The following TPST1 variants were observed in gnomAD, a reference collection of about 807,000 sequenced individuals.
TPST1 encodes the protein tyrosylprotein sulfotransferase 1, also known as protein-tyrosine sulfotransferase 1.
TPST1 carries 20 observed loss-of-function variants against 34.8 expected under a neutral mutation model. The ratio of observed to expected loss-of-function variants is 0.57; its 90% confidence interval spans 0.40 to 0.84. The LOEUF is 0.84. Ranked by LOEUF, TPST1 falls within the 40% of genes least tolerant of loss-of-function variation. The probability of loss-of-function intolerance (pLI) is 0.00; values close to 1 mark genes in which losing one functional copy is unlikely to be tolerated. For synonymous variants in TPST1, 152 were observed against 159.4 expected (o/e 0.95, Z 0.35); for missense variants, 353 against 455.5 (o/e 0.78, Z 2.05).
At chr7:66,299,919 G>A (rs1419224585) in intron 3 of TPST1, among the ~76,000 whole-genome samples, 1 of 152,156 alleles carries the variant, frequency 6.6e-6, no homozygotes, top group East Asian at 1.9e-4. Flanking sequence ...CCAAAATAAA[G>A]TGAATATCCC....
chr7:66,235,184 A>ATTTTT (rs767189278), intron 1 of TPST1, among the ~76,000 whole-genome samples: 1 of 129,828 alleles, frequency 7.7e-6, no homozygotes, highest in Non-Finnish European at 1.6e-5. Context: ...TTCTGCATAG[A>ATTTTT]TTTTTTTTTT....
intron 2 of TPST1, among the ~76,000 whole-genome samples, chr7:66,252,508 A>T (rs928191592): frequency 6.6e-6 from 1 of 150,376 alleles, no homozygotes; most frequent in Non-Finnish European, 1.5e-5. Context: ...TGCCCGGCTA[A>T]TTTTTTGTAT....
At chr7:66,313,447 A>G (rs1791572479) in intron 3 of TPST1, among the ~76,000 whole-genome samples, 1 of 152,046 alleles carries the variant, frequency 6.6e-6, no homozygotes, top group Admixed American at 6.6e-5. Flanking sequence ...AAAATAAACA[A>G]ATTATGCTGG....
chr7:66,272,342 C>T (rs551375197), intron 2 of TPST1, among the ~76,000 whole-genome samples: 5 of 152,148 alleles, frequency 3.3e-5, no homozygotes, highest in South Asian at 2.1e-4. Context: ...ATGCGATATA[C>T]CACATTTACA....
At chr7:66,250,140 T>G (rs1330109399) in intron 2 of TPST1, among the ~76,000 whole-genome samples, 1 of 152,166 alleles carries the variant, frequency 6.6e-6, no homozygotes, top group Non-Finnish European at 1.5e-5. Context: ...TACTGAACAT[T>G]TGTTATGTGC....
intron 3 of TPST1, among the ~76,000 whole-genome samples, chr7:66,324,544 C>T (rs1374464176): frequency 6.6e-6 from 1 of 152,116 alleles, no homozygotes; most frequent in Non-Finnish European, 1.5e-5. Flanking sequence ...CAGTGGCTCA[C>T]ACCTGTAATC....
intron 2 of TPST1, among the ~76,000 whole-genome samples, chr7:66,277,360 T>G (rs1332668331): frequency 6.6e-6 from 1 of 152,182 alleles, no homozygotes; most frequent in Non-Finnish European, 1.5e-5. Flanking sequence ...GTGTTTCCCA[T>G]TCTCAGTTTT....
chr7:66,230,856 G>A lies in TPST1; in HGVS notation c.-101-9469G>A, dbSNP rs538941258. On this transcript the variant is annotated intron_variant, in intron 1 of 5. Coordinates refer to ENST00000304842, the MANE Select transcript of TPST1 (RefSeq NM_003596.4). ...GTTTTGACAGGGCGCTGATTGGTGT[G>A]TTTACAATCCCTGAGCTAGATACAA... Among the ~76,000 whole-genome samples the A allele has an allele frequency of 4.7e-4, 72 of 152,200 alleles. 2 individuals carry two copies. In the South Asian group the frequency reaches 0.015, roughly 31 times the overall value.
intron 3 of TPST1, among the ~76,000 whole-genome samples, chr7:66,294,599 T>A (rs532521659): frequency 4.6e-5 from 7 of 151,780 alleles, no homozygotes; most frequent in Non-Finnish European, 7.4e-5. Flanking sequence ...TTTACACTTT[T>A]TATATATATA....
At chr7:66,325,870 G>A (rs544705298) in intron 3 of TPST1, among the ~76,000 whole-genome samples, 27 of 152,180 alleles carry the variant, frequency 1.8e-4, no homozygotes, top group African/African-American at 5.5e-4. Context: ...TCCTGAGCTC[G>A]TGATCTGCCC....
At chr7:66,222,038 G>T (rs1391532343) in intron 1 of TPST1, among the ~76,000 whole-genome samples, 1 of 151,928 alleles carries the variant, frequency 6.6e-6, no homozygotes, top group Non-Finnish European at 1.5e-5. Context: ...GACTTTATAG[G>T]TATTTTAAGG....
At chr7:66,235,516 A>C (rs1379444110) in intron 1 of TPST1, among the ~76,000 whole-genome samples, 1 of 152,214 alleles carries the variant, frequency 6.6e-6, no homozygotes, top group Admixed American at 6.5e-5. Context: ...ACCAGTTCTT[A>C]GTTGGTGTAT....
chr7:66,253,364 C>G (rs964351085), intron 2 of TPST1, among the ~76,000 whole-genome samples: 1 of 150,092 alleles, frequency 6.7e-6, no homozygotes, highest in African/African-American at 2.4e-5. Context: ...TTAGTGAGAT[C>G]GCTTTCTTTT....
chr7:66,250,183 T>C (rs1790234550), intron 2 of TPST1, among the ~76,000 whole-genome samples: 1 of 152,186 alleles, frequency 6.6e-6, no homozygotes, highest in Non-Finnish European at 1.5e-5. Context: ...GTGTGCCTTA[T>C]CTCATTTAGT....
intron 1 of TPST1, among the ~76,000 whole-genome samples, chr7:66,221,891 G>A (rs1029875623): frequency 1.3e-5 from 2 of 152,036 alleles, no homozygotes; most frequent in Non-Finnish European, 2.9e-5. Flanking sequence ...TTTATTGATT[G>A]CAGAATATCT....
rs1422350639 is a variant in TPST1, at chr7:66,359,954, G to A, written c.*89G>A. 2.2e-6 allele frequency: 1 copy of A among 456,622 alleles called. No individual in the cohort carries two copies. Among genetic ancestry groups the A allele is most frequent in the Non-Finnish European group, 4.4e-6 (1 of 226,980 alleles). 28.3% of individuals were successfully genotyped at this position (456,622 alleles called of 1,614,324 possible). On this transcript the variant is annotated 3_prime_UTR_variant, in exon 6 of 6. Transcript: ENST00000304842. ...CCTAGGATTGGCTGTCCCCTGCCAA[G>A]CTTGGTGGAGCGTCTGCACCTTGGC...
intron 3 of TPST1, among the ~76,000 whole-genome samples, chr7:66,311,543 C>T (rs1791531967): frequency 6.6e-6 from 1 of 152,162 alleles, no homozygotes; most frequent in Non-Finnish European, 1.5e-5. Flanking sequence ...CTCAGAATAC[C>T]TCAGTCTTTC....
intron 3 of TPST1, among the ~76,000 whole-genome samples, chr7:66,331,477 G>C (rs997794969): frequency 6.6e-6 from 1 of 152,146 alleles, no homozygotes; most frequent in South Asian, 2.1e-4. Context: ...TAAAAGCTAA[G>C]TTTCTGGATA....
At chr7:66,303,675 G>C (rs970127118) in intron 3 of TPST1, among the ~76,000 whole-genome samples, 1 of 152,134 alleles carries the variant, frequency 6.6e-6, no homozygotes, top group Non-Finnish European at 1.5e-5. Flanking sequence ...CTCTCAAAGT[G>C]CTGGGATTAC....
Sources: allele counts gnomAD v4.1 joint callset (sites outside exome capture counted in the v4.1 genomes callset), GRCh38; gene constraint gnomAD v4.1.1; transcripts MANE v1.5; gene names NCBI Gene and HGNC (gene_info 2026-07-23, HGNC 2026-07-21).